NUP153: variants seen among roughly 807,000 people sequenced by gnomAD.
NUP153 encodes nucleoporin 153.
NUP153 carries 27 observed loss-of-function variants against 134.6 expected under a neutral mutation model. The observed-to-expected ratio is 0.20, with a 90% CI of 0.15 to 0.28. The LOEUF is 0.28. NUP153 is among the 10% of genes least tolerant of loss of function. The pLI, the probability that NUP153 is intolerant of heterozygous loss-of-function variation, is 1.00. For missense variants in NUP153, 1,821 were observed against 1,731.3 expected (o/e 1.05, Z -0.92); for synonymous variants, 640 against 623.5 (o/e 1.03, Z -0.40).
rs779164520 is a variant in NUP153 at position 17,649,199 on chromosome 6, T to C, written c.1497A>G (p.Pro499=). 6.8e-6 allele frequency: 11 copies of C among 1,613,852 alleles called. No homozygotes were observed. In the South Asian group the frequency reaches 9.9e-5, roughly 14 times the overall value. ...ATGCTTGAGACGAATTGATGGGTGATGGAGAGGAAGTTGTGATCTCAGGGG... is the reference window on the plus strand; with the variant it reads ...ATGCTTGAGACGAATTGATGGGTGACGGAGAGGAAGTTGTGATCTCAGGGG... ...FSSPEITTSS[P]SPINSSQALT... The change falls in exon 12 of 22, where the codon CCA becomes CCG. Residue 499 remains proline, a synonymous_variant. Transcript: ENST00000262077.
At position 17,706,195 on chromosome 6, in the gene NUP153, G is replaced by C. The variant is rs1415530114; in HGVS notation, c.111+82C>G. On this transcript the variant is annotated intron_variant, in intron 1 of 21. Transcript: ENST00000262077. This position sits in a 1 kb window ranked among gnomAD's most constrained non-coding sequence, Gnocchi z 5.9. ...CAGGCCCTCCTGTCTGCTCCACGTG[G>C]GGCGCCGGGGCCTCGAACCGCCCGT... 9.0e-7 allele frequency: 1 copy of C among 1,112,376 alleles called. No homozygotes were observed. Among genetic ancestry groups the C allele is most frequent in the African/African-American group, 1.5e-5 (1 of 65,000 alleles). The allele number at this position is 1,112,376 out of a possible 1,614,324, so 68.9% of individuals were successfully genotyped here. A position where few individuals can be genotyped will look rare whatever the true frequency, so the allele number is the denominator to read the frequency against.
intron 15 of NUP153, among the ~76,000 whole-genome samples, chr6:17,639,182 A>C (rs1462714938): frequency 6.6e-6 from 1 of 151,816 alleles, no homozygotes; most frequent in Non-Finnish European, 1.5e-5. Flanking sequence ...GGTTCAAGCA[A>C]TTCTCCTGCC....
chr6:17,674,348 A>C (rs75706996), intron 5 of NUP153, among the ~76,000 whole-genome samples: 8,390 of 152,254 alleles, frequency 0.055, 347 homozygotes, highest in Non-Finnish European at 0.081. Context: ...AAAAAGAATC[A>C]CATTTCTTGA....
At chr6:17,701,118 G>A (rs191906869) in intron 1 of NUP153, among the ~76,000 whole-genome samples, 4 of 152,160 alleles carry the variant, frequency 2.6e-5, no homozygotes, top group African/African-American at 9.6e-5. Context: ...CCAGCTACTT[G>A]GGAGGCTGAA....
chr6:17,685,832 T>C (rs1768890189), intron 2 of NUP153, among the ~76,000 whole-genome samples: 1 of 151,918 alleles, frequency 6.6e-6, no homozygotes, highest in Non-Finnish European at 1.5e-5. Flanking sequence ...CACTAGAGTA[T>C]ACTCCTTCCA....
chr6:17,642,164 A>T (rs1765873950), intron 14 of NUP153, among the ~76,000 whole-genome samples: 1 of 152,202 alleles, frequency 6.6e-6, no homozygotes, highest in South Asian at 2.1e-4. Flanking sequence ...CTTCAAGACC[A>T]TGGATTTGGC....
chr6:17,644,237 A>G (rs891209446), intron 14 of NUP153, among the ~76,000 whole-genome samples: 1 of 152,036 alleles, frequency 6.6e-6, no homozygotes, highest in African/African-American at 2.4e-5. Context: ...CCAAACTCAG[A>G]AGATCATTGA....
chr6:17,663,232 T>TACACAC (rs35061480), intron 9 of NUP153, among the ~76,000 whole-genome samples: 30 of 144,098 alleles, frequency 2.1e-4, no homozygotes, highest in East Asian at 1.8e-3. Context: ...AAGAAAAAAA[T>TACACAC]ACACACACAC....
intron 14 of NUP153, among the ~76,000 whole-genome samples, chr6:17,645,061 G>C (rs1766075478): frequency 6.6e-6 from 1 of 151,868 alleles, no homozygotes; most frequent in African/African-American, 2.4e-5. Context: ...CTCCAACCTG[G>C]GGGACACAAC....
At chr6:17,627,544 G>A (rs530232204) in intron 18 of NUP153, among the ~76,000 whole-genome samples, 68 of 151,656 alleles carry the variant, frequency 4.5e-4, no homozygotes, top group Admixed American at 3.0e-3. Flanking sequence ...TGCCCAAGCT[G>A]GAGTGCACTG....
chr6:17,693,667 A>G (rs1420357968), intron 1 of NUP153, among the ~76,000 whole-genome samples: 1 of 152,140 alleles, frequency 6.6e-6, no homozygotes, highest in Non-Finnish European at 1.5e-5. Flanking sequence ...CGGGCAGATC[A>G]CTTGAAGTCA....
intron 20 of NUP153, among the ~76,000 whole-genome samples, chr6:17,618,695 A>G (rs1380916319): frequency 1.3e-5 from 2 of 151,748 alleles, no homozygotes; most frequent in Non-Finnish European, 2.9e-5. Context: ...TCTCCTGAGT[A>G]GCTGGGACTA....
At position 17,637,644 on chromosome 6, in the gene NUP153, G is replaced by T. The variant is rs138382230; in HGVS notation, c.1973C>A (p.Ala658Asp). The T allele has an allele frequency of 6.2e-7, 1 of 1,613,774 alleles. No individual in the cohort carries two copies. The highest frequency in any genetic ancestry group is 1.7e-5 in the Admixed American group (1 of 59,974). The change falls in exon 16 of 22, where the codon GCT (alanine) becomes GAT (aspartate). Residue 658 changes from alanine (A) to aspartate (D), a missense_variant. Transcript: ENST00000262077. The part of the protein sequence containing the change: ...SGIGFGESLK[A>D]GSSWQCDTCL... ...TGTATCACACTGCCATGATGACCCA[G>T]CTTTTAAACTCTCCCCAAACCCAAT...
At chr6:17,665,439 A>AT (rs2113821371) in intron 8 of NUP153, 54 bp from the exon 9 acceptor site, 1 of 1,462,592 alleles carries the variant, frequency 6.8e-7, no homozygotes, top group African/African-American at 1.4e-5. Flanking sequence ...TCAATGATTC[A>AT]TATCTAAATT....
intron 15 of NUP153, among the ~76,000 whole-genome samples, chr6:17,639,553 G>A (rs1765733682): frequency 6.6e-6 from 1 of 152,130 alleles, no homozygotes; most frequent in African/African-American, 2.4e-5. Context: ...TTACAATTCA[G>A]CAGATGCTTT....
intron 1 of NUP153, among the ~76,000 whole-genome samples, chr6:17,694,612 G>A (rs1029320094): frequency 2.0e-5 from 3 of 151,686 alleles, no homozygotes; most frequent in East Asian, 1.9e-4. Context: ...AGCCAAGATC[G>A]CGCCATTGCA....
chr6:17,675,447 C>G lies in NUP153; in HGVS notation c.583+75G>C. ...TTTTATAAATAGAAAATAAAAATTA[C>G]AACCAAGTCAGAAAAAAAACCCATA... On this transcript the variant is annotated intron_variant, in intron 3 of 21. Coordinates refer to ENST00000262077, the MANE Select transcript of NUP153 (RefSeq NM_005124.4). The surrounding 1 kb of genome is among the most constrained non-coding windows in gnomAD (Gnocchi z 4.4). 1.9e-6 allele frequency: 3 copies of G among 1,570,400 alleles called. No homozygotes were observed. The highest frequency in any genetic ancestry group is 2.6e-6 in the Non-Finnish European group (3 of 1,157,886).
At chr6:17,699,340 TA>T (rs1769890251) in intron 1 of NUP153, among the ~76,000 whole-genome samples, 1 of 150,078 alleles carries the variant, frequency 6.7e-6, no homozygotes, top group Non-Finnish European at 1.5e-5. Flanking sequence ...ACTAAAGATA[TA>T]AAAACTTAGC....
intron 20 of NUP153, among the ~76,000 whole-genome samples, chr6:17,621,052 G>T (rs370306145): frequency 1.3e-5 from 2 of 152,210 alleles, no homozygotes; most frequent in South Asian, 2.1e-4. Context: ...TGAAAAGCGG[G>T]CAAAGGATCT....
Sources: gnomAD v4.1 joint callset for allele counts (sites outside exome capture counted in the v4.1 genomes callset) on GRCh38, gnomAD v4.1.1 for gene constraint, Gnocchi (gnomAD v3.1) non-coding constraint, MANE v1.5 for transcripts, NCBI Gene and HGNC (gene_info 2026-07-23, HGNC 2026-07-21) for gene names.